CD300C: variants seen among roughly 807,000 people sequenced by gnomAD.
CD300C encodes the protein CMRF35-like molecule 6.
In CD300C, 11 loss-of-function variants were observed where a neutral mutation model predicts 18.4. The ratio of observed to expected loss-of-function variants is 0.60; its 90% confidence interval spans 0.38 to 0.99. CD300C has a LOEUF of 0.99. Among genes scored for constraint, CD300C ranks in the 50% least tolerant of loss-of-function variants. The pLI is 0.01. For synonymous variants in CD300C, 116 were observed against 116.3 expected (o/e 1.00, Z 0.02); for missense variants, 277 against 287.4 (o/e 0.96, Z 0.26).
At chr17:74,537,191 A>G (rs1908406787), downstream of CD300C, among the ~76,000 whole-genome samples, 1 of 152,112 alleles carries the variant, frequency 6.6e-6, no homozygotes, top group Non-Finnish European at 1.5e-5. Context: ...GAGAAGGAGG[A>G]AAATAAGAAG....
chr17:74,536,989 A>G (rs1374539934), downstream of CD300C, among the ~76,000 whole-genome samples: 1 of 152,024 alleles, frequency 6.6e-6, no homozygotes, highest in Non-Finnish European at 1.5e-5. Context: ...AAAGAAGAGG[A>G]GGAGGACCAA....
At chr17:74,543,323 C>T (rs1419794749) in intron 2 of CD300C, among the ~76,000 whole-genome samples, 2 of 152,158 alleles carry the variant, frequency 1.3e-5, no homozygotes, top group South Asian at 2.1e-4. Context: ...GAAGGGTGAC[C>T]CAGAGTGACT....
In CD300C at chr17:74,545,959, G is replaced by C. The variant is rs534799568; in HGVS notation, c.-177C>G. On this transcript the variant is annotated 5_prime_UTR_variant, in exon 1 of 4. Coordinates refer to ENST00000330793, the MANE Select transcript of CD300C (RefSeq NM_006678.5). ...TCAGGGTACAGGAAGCTCAGGGAGA[G>C]AGCCGCCTGGGCTGAGGCCGGTGCT... 120 of 614,184 alleles carry C rather than the reference G, an allele frequency of 2.0e-4. 1 individual carries two copies. Among genetic ancestry groups the C allele is most frequent in the Admixed American group, 1.4e-3 (55 of 39,660 alleles). 38.0% of individuals were successfully genotyped at this position (614,184 alleles called of 1,614,324 possible).
At chr17:74,535,566 T>C in the CD300C span, among the ~76,000 whole-genome samples, 1 of 144,200 alleles carries the variant, frequency 6.9e-6, no homozygotes, top group African/African-American at 2.6e-5. Flanking sequence ...AAGGAGAAAA[T>C]AATAGAATGT....
chr17:74,545,326 CTG>C (rs199937666), intron 1 of CD300C, among the ~76,000 whole-genome samples: 1 of 136,188 alleles, frequency 7.3e-6, no homozygotes, highest in Non-Finnish European at 1.7e-5. Flanking sequence ...GCATGTGTGA[CTG>C]TGTGCATGTG....
At chr17:74,537,078 G>T (rs1908401542), downstream of CD300C, among the ~76,000 whole-genome samples, 1 of 151,336 alleles carries the variant, frequency 6.6e-6, no homozygotes, top group African/African-American at 2.4e-5. Flanking sequence ...AGGAGGAGGA[G>T]AAGTAGGCAG....
chr17:74,544,611 G>A lies in CD300C; in HGVS notation c.398C>T (p.Pro133Leu), dbSNP rs763827378. Residue 133 changes from proline (P) to leucine (L), a missense_variant and splice_region_variant, in exon 2 of 4, where the codon CCG becomes CTG. By Grantham distance (98) the Pro-to-Leu change is moderately conservative (BLOSUM62 -3). Transcript: ENST00000330793. ...PIVEVEVSVF[P>L]AGTTTASSPQ... is the part of the protein sequence containing the mutation. ...TGCTGAGAAAAGGAGGGGCTCACCCGGGAACACGGACACCTCAACCTCGAC... is the reference window on the plus strand; with the variant it reads ...TGCTGAGAAAAGGAGGGGCTCACCCAGGAACACGGACACCTCAACCTCGAC... 31 of 1,607,814 alleles carry A rather than the reference G, an allele frequency of 1.9e-5. No homozygotes were observed. The highest frequency in any genetic ancestry group is 8.0e-5 in the African/African-American group (6 of 74,824).
downstream of CD300C, among the ~76,000 whole-genome samples, chr17:74,536,851 T>C (rs1476227067): frequency 1.3e-5 from 2 of 152,102 alleles, no homozygotes; most frequent in Non-Finnish European, 2.9e-5. Context: ...TAGCAATTAT[T>C]CCCTTAGAAC....
downstream of CD300C, among the ~76,000 whole-genome samples, chr17:74,536,532 C>A (rs1258318774): frequency 0.016 from 1,772 of 108,578 alleles, no homozygotes; most frequent in Admixed American, 0.023. Flanking sequence ...GACTCCGTCT[C>A]AAAAAAAAAA....
At position 74,544,589 on chromosome 17, in the gene CD300C, T is replaced by G; in HGVS notation, c.400+20A>C. The stretch of plus-strand genomic sequence containing the variant: ...CCCTAGGCTCAGGCAGGCCTGGTGC[T>G]GAGAAAAGGAGGGGCTCACCCGGGA... On this transcript the variant is annotated intron_variant, in intron 2 of 3. Coordinates refer to ENST00000330793, the MANE Select transcript of CD300C (RefSeq NM_006678.5). 1 of 1,598,334 alleles carries G rather than the reference T, an allele frequency of 6.3e-7. No homozygotes were observed. The highest frequency in any genetic ancestry group is 8.6e-7 in the Non-Finnish European group (1 of 1,169,546).
chr17:74,539,769 G>A (rs1404612387), downstream of CD300C, among the ~76,000 whole-genome samples: 1 of 152,130 alleles, frequency 6.6e-6, no homozygotes, highest in East Asian at 1.9e-4. Context: ...TGACCTTCCT[G>A]GGTTATGGTG....
At chr17:74,538,699 T>C (rs930920153), downstream of CD300C, among the ~76,000 whole-genome samples, 2 of 152,220 alleles carry the variant, frequency 1.3e-5, no homozygotes, top group Non-Finnish European at 2.9e-5. Context: ...GAGCAGACTC[T>C]TCAGAGGTGC....
At chr17:74,545,272 G>A (rs1344239759) in intron 1 of CD300C, among the ~76,000 whole-genome samples, 1 of 151,956 alleles carries the variant, frequency 6.6e-6, no homozygotes, top group Non-Finnish European at 1.5e-5. Flanking sequence ...GTGTGACTGT[G>A]TGTGCATGTG....
At chr17:74,536,142 T>C (rs1469774051), downstream of CD300C, among the ~76,000 whole-genome samples, 1 of 152,216 alleles carries the variant, frequency 6.6e-6, no homozygotes, top group Non-Finnish European at 1.5e-5. Context: ...GGAGTATCCA[T>C]AATTGGTTAA....
chr17:74,535,113 A>G, the CD300C span, among the ~76,000 whole-genome samples: 2 of 152,258 alleles, frequency 1.3e-5, no homozygotes, highest in African/African-American at 4.8e-5. Flanking sequence ...ATATATAATC[A>G]GTAAGGATCA....
chr17:74,538,689 G>A (rs779275675), downstream of CD300C, among the ~76,000 whole-genome samples: 4 of 152,182 alleles, frequency 2.6e-5, no homozygotes, highest in Non-Finnish European at 4.4e-5. Context: ...TTGTGTGCAG[G>A]AGCAGACTCT....
intron 3 of CD300C, among the ~76,000 whole-genome samples, chr17:74,542,004 C>G (rs4007737): frequency 0.12 from 18,850 of 152,126 alleles, 1,361 homozygotes; most frequent in East Asian, 0.31. Context: ...GTGTCCAGGA[C>G]GCAGCTGTCT....
intron 2 of CD300C, 130 bp from the exon 3 acceptor site, chr17:74,543,117 G>C (rs897359918): frequency 1.6e-6 from 2 of 1,284,710 alleles, no homozygotes; most frequent in African/African-American, 2.9e-5. Flanking sequence ...CATCCATCAT[G>C]CCCCACGGCC....
At chr17:74,540,154 C>A (rs890037177), downstream of CD300C, among the ~76,000 whole-genome samples, 3 of 152,234 alleles carry the variant, frequency 2.0e-5, no homozygotes, top group African/African-American at 7.2e-5. Context: ...TCTAAGATGC[C>A]CCCCTGGCAG....
Sources: gnomAD v4.1 joint callset for allele counts (sites outside exome capture counted in the v4.1 genomes callset) on GRCh38, gnomAD v4.1.1 for gene constraint, MANE v1.5 for transcripts, NCBI Gene and HGNC (gene_info 2026-07-23, HGNC 2026-07-21) for gene names.